MGA: variants seen among roughly 807,000 people sequenced by gnomAD.
MGA encodes the protein MAX dimerization protein MGA.
In MGA, 40 loss-of-function variants were observed where a neutral mutation model predicts 261.1. That is an observed-to-expected ratio of 0.15 (90% CI 0.12 to 0.20). MGA has a LOEUF of 0.20. Ranked by LOEUF, MGA falls within the 10% of genes least tolerant of loss-of-function variation. MGA has a pLI of 1.00. For missense variants in MGA, 3,397 were observed against 3,630.5 expected (o/e 0.94, Z 1.65); for synonymous variants, 1,302 against 1,290.6 (o/e 1.01, Z -0.19).
intron 9 of MGA, among the ~76,000 whole-genome samples, chr15:41,719,156 C>T (rs894728123): frequency 5.3e-5 from 8 of 151,826 alleles, no homozygotes; most frequent in Admixed American, 2.6e-4. Context: ...TAGCATCCAA[C>T]GAGAAGAGAC....
At chr15:41,722,122 A>ATTTTTTTTTTTTTTTTTT (rs35690314) in intron 9 of MGA, among the ~76,000 whole-genome samples, 1 of 87,738 alleles carries the variant, frequency 1.1e-5, no homozygotes, top group African/African-American at 4.8e-5. Flanking sequence ...AAGTAGGCCA[A>ATTTTTTTTTTTTTTTTTT]TTTTTTTTTT....
At chr15:41,671,401 G>T (rs1238397086) in intron 2 of MGA, among the ~76,000 whole-genome samples, 1 of 151,952 alleles carries the variant, frequency 6.6e-6, no homozygotes, top group Non-Finnish European at 1.5e-5. Flanking sequence ...TCGGCTCACT[G>T]CAACCTCTGG....
chr15:41,706,491 G>C (rs1174199210), intron 5 of MGA, among the ~76,000 whole-genome samples: 1 of 150,990 alleles, frequency 6.6e-6, no homozygotes, highest in Non-Finnish European at 1.5e-5. Flanking sequence ...ACCTGTTAGA[G>C]AACCAGCACT....
In MGA at chr15:41,736,547, A is replaced by C. The variant is rs769657836; in HGVS notation, c.4283A>C (p.Asp1428Ala). Residue 1428 changes from aspartate to alanine, a missense_variant, in exon 13 of 24, where the codon GAT (aspartate) becomes GCT (alanine). Physicochemically the swap from Asp to Ala is moderately radical, Grantham distance 126 (BLOSUM62 -2). Coordinates refer to ENST00000219905, the MANE Select transcript of MGA (RefSeq NM_001164273.2). Reference sequence around the variant, plus strand: ...CCATTGTCCCCTGGGAAAATGGAGGATATCTCTCCTGTGCAGACAGATGCC... The same window carrying C: ...CCATTGTCCCCTGGGAAAATGGAGGCTATCTCTCCTGTGCAGACAGATGCC... The C allele has an allele frequency of 1.9e-6, 3 of 1,614,028 alleles. No homozygotes were observed. Among genetic ancestry groups the C allele is most frequent in the East Asian group, 2.2e-5 (1 of 44,888 alleles).
rs755236338 is a variant in MGA, at chr15:41,743,005, C to T, written c.5045C>T (p.Ser1682Phe). 2 of 1,613,896 alleles carry T rather than the reference C, an allele frequency of 1.2e-6. No homozygotes were observed. The highest frequency in any genetic ancestry group is 4.5e-5 in the East Asian group (2 of 44,902). ...GCTTTTCCTAAGTCTTTGGTAGCAT[C>T]TCCTTCAACCATAACTCTTCCTGTT... is the stretch of plus-strand genomic sequence containing the variant. The change falls in exon 15 of 24, where the codon TCT becomes TTT. Residue 1682 changes from serine to phenylalanine, a missense_variant. Physicochemically the swap from Ser to Phe is radical, Grantham distance 155. Around this residue, in one of 9 missense-constraint regions of MGA, gnomAD observed 1,410 missense variants for 1,386.4 expected, o/e 1.02. Coordinates refer to ENST00000219905, the MANE Select transcript of MGA (RefSeq NM_001164273.2).
chr15:41,629,507 A>G (rs2054272486), intron 1 of MGA, among the ~76,000 whole-genome samples: 1 of 152,036 alleles, frequency 6.6e-6, no homozygotes, highest in Non-Finnish European at 1.5e-5. Flanking sequence ...CGATACATTG[A>G]TGGTGTTTAA....
At chr15:41,631,854 A>G (rs2056595127) in intron 1 of MGA, among the ~76,000 whole-genome samples, 1 of 152,218 alleles carries the variant, frequency 6.6e-6, no homozygotes, top group Non-Finnish European at 1.5e-5. Flanking sequence ...TATGCCAGCT[A>G]TCACTGTTAG....
intron 17 of MGA, among the ~76,000 whole-genome samples, chr15:41,752,801 A>G (rs1174658789): frequency 1.3e-5 from 2 of 152,030 alleles, no homozygotes; most frequent in African/African-American, 4.8e-5. Flanking sequence ...CAGGTGATCC[A>G]CCCACGTTGG....
intron 1 of MGA, among the ~76,000 whole-genome samples, chr15:41,651,801 C>T (rs1308455176): frequency 7.7e-5 from 1 of 12,992 alleles, no homozygotes; most frequent in South Asian, 4.3e-3. Context: ...CTCCTCTCCC[C>T]CCCCTCTTCC....
chr15:41,719,481 C>T (rs139356581), intron 9 of MGA, among the ~76,000 whole-genome samples: 2,000 of 152,256 alleles, frequency 0.013, 49 homozygotes, highest in African/African-American at 0.046. Context: ...TGGCTCATGC[C>T]TGTAATCCCA....
At chr15:41,714,687 T>C (rs1475998951) in intron 9 of MGA, among the ~76,000 whole-genome samples, 2 of 152,172 alleles carry the variant, frequency 1.3e-5, no homozygotes, top group Non-Finnish European at 2.9e-5. Context: ...GAGACGGGGT[T>C]TCACCATGTT....
At position 41,743,230 on chromosome 15, in the gene MGA, T is replaced by C. The variant is rs1349587261; in HGVS notation, c.5212+58T>C. The stretch of plus-strand genomic sequence containing the variant: ...TACTGTACACCTATTTATATAACTT[T>C]GTGGTTGTGTTAGGATTATAGATAT... On this transcript the variant is annotated intron_variant, in intron 15 of 23. Coordinates refer to ENST00000219905, the MANE Select transcript of MGA (RefSeq NM_001164273.2). The C allele has an allele frequency of 2.0e-6, 3 of 1,488,474 alleles. No individual in the cohort carries two copies. The Admixed American group carries it at 6.9e-5, about 34-fold the overall frequency. 92.2% of individuals were successfully genotyped at this position (1,488,474 alleles called of 1,614,324 possible).
In MGA at chr15:41,711,182, G is replaced by A; in HGVS notation, c.2917G>A (p.Ala973Thr). ...TCCAAAGCAGATTAGTTTGCGGCAG[G>A]CACAGCAGCAGCAGCAACAGCAACA... The change falls in exon 8 of 24, where the codon GCA becomes ACA. Residue 973 changes from alanine to threonine, a missense_variant. Ala to Thr is a moderately conservative substitution (Grantham distance 58). This residue lies in a region of MGA where 519 missense variants were observed against 554.1 expected (regional missense o/e 0.94). Transcript: ENST00000219905. 3 of 1,613,968 alleles carry A rather than the reference G, an allele frequency of 1.9e-6. No homozygotes were observed. Among genetic ancestry groups the A allele is most frequent in the Non-Finnish European group, 2.5e-6 (3 of 1,179,898 alleles).
chr15:41,624,348 A>G (rs1216548947), intron 1 of MGA, among the ~76,000 whole-genome samples: 1 of 152,012 alleles, frequency 6.6e-6, no homozygotes, highest in Admixed American at 6.6e-5. Context: ...CCCAGTTTCA[A>G]GTGATTCTTC....
At chr15:41,651,404 A>G (rs2057039651) in intron 1 of MGA, among the ~76,000 whole-genome samples, 1 of 152,118 alleles carries the variant, frequency 6.6e-6, no homozygotes, top group African/African-American at 2.4e-5. Flanking sequence ...ATTGTAGTTC[A>G]TTGACTACAT....
intron 2 of MGA, among the ~76,000 whole-genome samples, chr15:41,690,268 G>A (rs1187448404): frequency 1.3e-5 from 2 of 152,176 alleles, no homozygotes; most frequent in African/African-American, 4.8e-5. Context: ...GCATGTATCT[G>A]TACTTCGTTT....
chr15:41,659,865 G>C (rs1421086506), upstream of MGA, among the ~76,000 whole-genome samples: 1 of 152,188 alleles, frequency 6.6e-6, no homozygotes, highest in African/African-American at 2.4e-5. Flanking sequence ...AGTCGTCTTC[G>C]GTTGTGGATG....
chr15:41,706,669 C>T (rs1735855797), intron 5 of MGA, among the ~76,000 whole-genome samples: 2 of 146,884 alleles, frequency 1.4e-5, no homozygotes, highest in South Asian at 4.2e-4. Context: ...CAATCTCTGT[C>T]TCCCAGGTTC....
At chr15:41,717,391 T>G (rs2060698872) in intron 9 of MGA, among the ~76,000 whole-genome samples, 1 of 152,192 alleles carries the variant, frequency 6.6e-6, no homozygotes, top group African/African-American at 2.4e-5. Flanking sequence ...AAATTGATAC[T>G]TGTAGCCAGA....
Sources: allele counts gnomAD v4.1 joint callset (sites outside exome capture counted in the v4.1 genomes callset), GRCh38; gene constraint gnomAD v4.1.1; regional missense constraint gnomAD v4.1.1; transcripts MANE v1.5; gene names NCBI Gene and HGNC (gene_info 2026-07-23, HGNC 2026-07-21).